CNTN5: variants seen among roughly 807,000 people sequenced by gnomAD.
CNTN5 encodes the protein contactin-5.
In CNTN5, 77 loss-of-function variants were observed where a neutral mutation model predicts 129.1. The observed-to-expected ratio is 0.60, with a 90% CI of 0.50 to 0.72. CNTN5 has a LOEUF of 0.72. Among genes scored for constraint, CNTN5 ranks in the 30% least tolerant of loss-of-function variants. The probability of loss-of-function intolerance (pLI) is 0.00; values close to 1 mark genes in which losing one functional copy is unlikely to be tolerated. For missense variants in CNTN5, 1,478 were observed against 1,328.8 expected (o/e 1.11, Z -1.75); for synonymous variants, 509 against 465.6 (o/e 1.09, Z -1.20).
At chr11:99,184,583 A>G (rs562436193) in intron 1 of CNTN5, among the ~76,000 whole-genome samples, 59 of 152,098 alleles carry the variant, frequency 3.9e-4, no homozygotes, top group Non-Finnish European at 6.8e-4. Context: ...ATTATCTAGC[A>G]CTTGAAATAG....
intron 3 of CNTN5, among the ~76,000 whole-genome samples, chr11:99,719,992 C>T (rs1401907269): frequency 2.0e-5 from 3 of 151,984 alleles, no homozygotes; most frequent in Non-Finnish European, 4.4e-5. Context: ...GAAATCAATT[C>T]CCTGAATAGA....
At chr11:99,966,289 T>C (rs1288426584) in intron 8 of CNTN5, among the ~76,000 whole-genome samples, 1 of 152,240 alleles carries the variant, frequency 6.6e-6, no homozygotes, top group Non-Finnish European at 1.5e-5. Flanking sequence ...ATCTTAGCTT[T>C]GGTTCCCCTA....
chr11:99,494,838 A>G (rs1264895898), intron 2 of CNTN5, among the ~76,000 whole-genome samples: 1 of 152,156 alleles, frequency 6.6e-6, no homozygotes, highest in Admixed American at 6.5e-5. Flanking sequence ...AGGGAACTGG[A>G]GTTTTAAATG....
chr11:99,639,559 GTTTTTTTT>G (rs71050010), intron 3 of CNTN5, among the ~76,000 whole-genome samples: 1 of 70,322 alleles, frequency 1.4e-5, no homozygotes, highest in African/African-American at 5.6e-5. Flanking sequence ...TCACCTTTAT[GTTTTTTTT>G]TTTTTTTTTT....
At chr11:100,288,597 A>G (rs989073620) in intron 18 of CNTN5, among the ~76,000 whole-genome samples, 7 of 151,996 alleles carry the variant, frequency 4.6e-5, no homozygotes, top group African/African-American at 7.3e-5. Context: ...TCTCTGGGAC[A>G]CATTCAAAGC....
chr11:99,625,848 A>T (rs1480225747), intron 3 of CNTN5, among the ~76,000 whole-genome samples: 1 of 151,874 alleles, frequency 6.6e-6, no homozygotes, highest in Non-Finnish European at 1.5e-5. Context: ...TAGAAAGATG[A>T]GTGAAATATG....
intron 3 of CNTN5, among the ~76,000 whole-genome samples, chr11:99,760,534 A>C (rs1414427958): frequency 6.6e-6 from 1 of 151,730 alleles, no homozygotes; most frequent in Non-Finnish European, 1.5e-5. Flanking sequence ...TTAAAGAATA[A>C]AATAAAATAA....
chr11:99,505,376 T>G (rs1946580722), intron 2 of CNTN5, among the ~76,000 whole-genome samples: 1 of 152,214 alleles, frequency 6.6e-6, no homozygotes, highest in Non-Finnish European at 1.5e-5. Context: ...CTCACTGTCC[T>G]GCTTTGCTGA....
At chr11:99,144,520 G>A (rs935663467) in intron 1 of CNTN5, among the ~76,000 whole-genome samples, 1 of 152,118 alleles carries the variant, frequency 6.6e-6, no homozygotes, top group African/African-American at 2.4e-5. Flanking sequence ...CAGGTTTTCT[G>A]TGCCCTTTGC....
At chr11:99,695,545 C>T (rs1954231625) in intron 3 of CNTN5, among the ~76,000 whole-genome samples, 1 of 151,824 alleles carries the variant, frequency 6.6e-6, no homozygotes, top group African/African-American at 2.4e-5. Flanking sequence ...TTTTATATAT[C>T]TTATAGAAAT....
chr11:99,568,962 C>T (rs1480721859), intron 3 of CNTN5, among the ~76,000 whole-genome samples: 1 of 152,106 alleles, frequency 6.6e-6, no homozygotes, highest in Non-Finnish European at 1.5e-5. Context: ...ATAGCTTTCA[C>T]ACTGAAATTT....
chr11:99,860,225 G>T (rs747828939), intron 6 of CNTN5, among the ~76,000 whole-genome samples: 2 of 151,906 alleles, frequency 1.3e-5, no homozygotes, highest in Non-Finnish European at 2.9e-5. Context: ...TGTCTGAGGT[G>T]TAGTATACAG....
intron 1 of CNTN5, among the ~76,000 whole-genome samples, chr11:99,248,921 T>A (rs1006848835): frequency 6.6e-6 from 1 of 152,198 alleles, no homozygotes; most frequent in African/African-American, 2.4e-5. Flanking sequence ...TTTGTTCTTT[T>A]GACTTAGGAT....
At chr11:100,212,987 T>A (rs1446104754) in intron 15 of CNTN5, among the ~76,000 whole-genome samples, 6 of 152,034 alleles carry the variant, frequency 3.9e-5, no homozygotes, top group Non-Finnish European at 5.9e-5. Context: ...TGGAAAAAAA[T>A]TCAAGTCAGA....
intron 21 of CNTN5, among the ~76,000 whole-genome samples, chr11:100,325,183 G>A (rs1294607399): frequency 2.0e-5 from 3 of 152,080 alleles, no homozygotes; most frequent in Non-Finnish European, 4.4e-5. Flanking sequence ...CTTAGATGCT[G>A]TATAAGACAG....
chr11:100,070,273 G>A (rs7935954), intron 10 of CNTN5, 151 bp from the exon 11 acceptor site: 21,687 of 595,912 alleles, frequency 0.036, 503 homozygotes, highest in African/African-American at 0.068. Flanking sequence ...ATAGAATTTT[G>A]TGTGTAACGC....
At chr11:99,434,775 A>G (rs565486302) in intron 2 of CNTN5, among the ~76,000 whole-genome samples, 17 of 152,240 alleles carry the variant, frequency 1.1e-4, no homozygotes, top group Admixed American at 9.8e-4. Flanking sequence ...GTGCCCAAAA[A>G]TTGCTGTGGA....
chr11:99,486,732 GT>G (rs1945830963), intron 2 of CNTN5, among the ~76,000 whole-genome samples: 1 of 152,062 alleles, frequency 6.6e-6, no homozygotes, highest in East Asian at 1.9e-4. Flanking sequence ...CATTGTTGTT[GT>G]TGTCATCTTA....
intron 21 of CNTN5, chr11:100,336,795 T>G (rs1591524752): frequency 2.9e-6 from 1 of 344,450 alleles, no homozygotes; most frequent in East Asian, 6.6e-5. Context: ...GATTCTGAGG[T>G]GTTCTGCGAC....
Sources: allele counts gnomAD v4.1 joint callset (sites outside exome capture counted in the v4.1 genomes callset), GRCh38; gene constraint gnomAD v4.1.1; transcripts MANE v1.5; gene names NCBI Gene and HGNC (gene_info 2026-07-23, HGNC 2026-07-21).